Variants in GNPTAB observed in about 807,000 individuals in gnomAD.
GNPTAB encodes N-acetylglucosamine-1-phosphotransferase subunits alpha/beta.
In GNPTAB, 92 loss-of-function variants were observed where a neutral mutation model predicts 136.6. The ratio of observed to expected loss-of-function variants is 0.67; its 90% CI spans 0.57 to 0.80. The LOEUF is 0.80. Ranked by LOEUF, GNPTAB falls within the 30% of genes least tolerant of loss-of-function variation. The probability of loss-of-function intolerance (pLI) is 0.00; values close to 1 mark genes in which losing one functional copy is unlikely to be tolerated. For missense variants in GNPTAB, 1,343 were observed against 1,501.8 expected, an observed-to-expected ratio of 0.89 and a Z score of 1.75; for synonymous variants, 512 against 535.1, an observed-to-expected ratio of 0.96 and a Z score of 0.60.
chr12:101,765,122 G>A lies in GNPTAB; in HGVS notation c.1795C>T (p.His599Tyr). ...TTCATTCCACTGTGCATTATGAGGT[G>A]GATGGTTTTCCACTTGTTGGCAATA... is the stretch of plus-strand genomic sequence containing the variant. ...ASIANKWKTI[H>Y]LIMHSGMNAT... The change falls in exon 13 of 21, where the codon CAC (histidine) becomes TAC (tyrosine). Residue 599 changes from histidine to tyrosine, a missense_variant. Transcript: ENST00000299314. 3 of 1,614,110 alleles carry A rather than the reference G, an allele frequency of 1.9e-6. No homozygotes were observed. The highest frequency in any genetic ancestry group is 2.5e-6 in the Non-Finnish European group (3 of 1,180,014).
At chr12:101,747,370 A>C in intron 20 of GNPTAB, 129 bp from the exon 21 acceptor site, 1 of 667,586 alleles carries the variant, frequency 1.5e-6, no homozygotes. Flanking sequence ...AAGACAACAA[A>C]CAAATCTCCA....
At chr12:101,759,495 A>G (rs1952959857) in intron 16 of GNPTAB, among the ~76,000 whole-genome samples, 1 of 151,562 alleles carries the variant, frequency 6.6e-6, no homozygotes, top group Non-Finnish European at 1.5e-5. Flanking sequence ...GCTGTATTAT[A>G]TTCATTTCAT....
intron 1 of GNPTAB, among the ~76,000 whole-genome samples, chr12:101,824,649 TA>T (rs1180974303): frequency 1.3e-5 from 2 of 151,544 alleles, no homozygotes; most frequent in Non-Finnish European, 2.9e-5. Flanking sequence ...GTATTTTTTG[TA>T]GAGACAGGGT....
At chr12:101,767,986 G>C (rs1237275723) in intron 11 of GNPTAB, 51 bp downstream of exon 11, 1 of 1,581,058 alleles carries the variant, frequency 6.3e-7, no homozygotes, top group Admixed American at 1.7e-5. Context: ...TAATGATTAA[G>C]AAGAAAATAT....
Position 101,761,757 on chromosome 12 carries a change from C to T in GNPTAB, c.2722G>A (p.Glu908Lys), listed in dbSNP as rs1291543804. The T allele has an allele frequency of 6.2e-7, 1 of 1,610,490 alleles. No individual in the cohort carries two copies. The highest frequency in any genetic ancestry group is 8.5e-7 in the Non-Finnish European group (1 of 1,176,866). Reference protein sequence around the residue: ...KYFQDLLDEEESLKTQLAYFT... With the variant: ...KYFQDLLDEEKSLKTQLAYFT... ...TATGCCAATTGTGTCTTCAATGACT[C>T]TTCTTCCTGAAAAGAGAATTCTACA... Residue 908 changes from glutamate (E) to lysine (K), a missense_variant, in exon 14 of 21, where the codon GAG (glutamate) becomes AAG (lysine). Coordinates refer to ENST00000299314, the MANE Select transcript of GNPTAB (RefSeq NM_024312.5).
intron 13 of GNPTAB, 86 bp from the exon 14 acceptor site, chr12:101,761,849 A>T: frequency 1.0e-6 from 1 of 998,646 alleles, no homozygotes; most frequent in Non-Finnish European, 1.6e-6. Context: ...TAATGTGGTA[A>T]TAACTAGTCA....
intron 1 of GNPTAB, among the ~76,000 whole-genome samples, chr12:101,802,482 C>G (rs770946893): frequency 2.0e-5 from 3 of 152,012 alleles, no homozygotes; most frequent in Non-Finnish European, 2.9e-5. Flanking sequence ...AGGCACAACA[C>G]TGGATGGTCA....
intron 1 of GNPTAB, among the ~76,000 whole-genome samples, chr12:101,824,432 A>ATATATATTT (rs1188582277): frequency 3.9e-5 from 2 of 50,880 alleles, no homozygotes; most frequent in African/African-American, 8.5e-5. Context: ...ATATATATAT[A>ATATATATTT]TTTTCTTTTT....
intron 1 of GNPTAB, among the ~76,000 whole-genome samples, chr12:101,801,686 C>G (rs1341935450): frequency 6.6e-6 from 1 of 151,534 alleles, no homozygotes; most frequent in Non-Finnish European, 1.5e-5. Flanking sequence ...TCTGGCCCGC[C>G]AAAATCTGTC....
intron 1 of GNPTAB, among the ~76,000 whole-genome samples, chr12:101,800,220 C>T (rs553136156): frequency 2.7e-4 from 41 of 151,900 alleles, no homozygotes; most frequent in African/African-American, 9.4e-4. Flanking sequence ...TGTGGTGGCT[C>T]ACACCTGTAG....
In GNPTAB at chr12:101,761,576, T is replaced by C; in HGVS notation, c.2903A>G (p.Glu968Gly). 6.2e-7 allele frequency: 1 copy of C among 1,614,114 alleles called. No individual in the cohort carries two copies. The highest frequency in any genetic ancestry group is 1.1e-5 in the South Asian group (1 of 91,092). Reference protein sequence around the residue: ...PHMIDRIVMQELQDMFPEEFD... With the variant: ...PHMIDRIVMQGLQDMFPEEFD... ...GAGCAAGACTTACATATCTTGCAGT[T>C]CTTGCATAACAATCCGGTCAATCAT... is the stretch of plus-strand genomic sequence containing the variant. The change falls in exon 14 of 21, where the codon GAA (glutamate) becomes GGA (glycine). Residue 968 changes from glutamate (E) to glycine (G), a missense_variant. Transcript: ENST00000299314.
chr12:101,779,774 C>A (rs1350225411), intron 7 of GNPTAB: 1 of 265,254 alleles, frequency 3.8e-6, no homozygotes, highest in Admixed American at 5.0e-5. Context: ...CTGCTGCATC[C>A]CCAGCAGCTG....
At chr12:101,802,046 A>G (rs931022820) in intron 1 of GNPTAB, among the ~76,000 whole-genome samples, 1 of 151,638 alleles carries the variant, frequency 6.6e-6, no homozygotes, top group Non-Finnish European at 1.5e-5. Context: ...AACAAAAACA[A>G]ATCAATTCGC....
chr12:101,768,848 G>A (rs1330562229), intron 10 of GNPTAB, among the ~76,000 whole-genome samples: 1 of 152,070 alleles, frequency 6.6e-6, no homozygotes, highest in South Asian at 2.1e-4. Flanking sequence ...ATTCAGATGG[G>A]CTTTCTTCCC....
At position 101,764,331 on chromosome 12, in the gene GNPTAB, C is replaced by G. The variant is rs1486483032; in HGVS notation, c.2586G>C (p.Met862Ile). Residue 862 changes from methionine (M) to isoleucine (I), a missense_variant, in exon 13 of 21, where the codon ATG (methionine) becomes ATC (isoleucine). Physicochemically the swap from Met to Ile is conservative, Grantham distance 10. Transcript: ENST00000299314. ...CTATGTGATTTTCAGCATTTTCCTC[C>G]ATTCTACTGTTCTCTTTTTCTTTCC... The part of the protein sequence containing the change: ...ITGKEKENSR[M>I]EENAENHIGV... The G allele has an allele frequency of 6.2e-7, 1 of 1,613,920 alleles. No individual in the cohort carries two copies. The highest frequency in any genetic ancestry group is 8.5e-7 in the Non-Finnish European group (1 of 1,180,004).
chr12:101,801,707 TA>T lies in GNPTAB; in HGVS notation c.118-4946del, dbSNP rs144506185. 2.3e-3 allele frequency among the ~76,000 whole-genome samples: 353 copies of T among 151,874 alleles called. 2 individuals are homozygous for T. The highest frequency in any genetic ancestry group is 8.3e-3 in the African/African-American group (345 of 41,412). On this transcript the variant is annotated intron_variant, in intron 1 of 20. Transcript: ENST00000299314. ...CCGCCAAAATCTGTCCCTTTAAAGTTAAAGGAGGCTGTATGAAGGAAAAAAA... is the reference window on the plus strand; with the variant it reads ...CCGCCAAAATCTGTCCCTTTAAAGTTAAGGAGGCTGTATGAAGGAAAAAAA...
rs143107149 is a variant in GNPTAB at position 101,761,861 on chromosome 12, G to A, written c.2716-98C>T. 4.9e-4 allele frequency: 442 copies of A among 905,676 alleles called. No homozygotes were observed. In the African/African-American group the frequency reaches 6.1e-3, roughly 12 times the overall value. 56.1% of individuals were successfully genotyped at this position (905,676 alleles called of 1,614,324 possible). On this transcript the variant is annotated intron_variant, in intron 13 of 20. Coordinates refer to ENST00000299314, the MANE Select transcript of GNPTAB (RefSeq NM_024312.5). ...ATATAATGTGGTAATAACTAGTCAC[G>A]AACTCTTCATTAGGAGCAAATGAAA...
chr12:101,791,471 A>AT (rs1256115490), intron 2 of GNPTAB, among the ~76,000 whole-genome samples: 36 of 151,794 alleles, frequency 2.4e-4, no homozygotes, highest in African/African-American at 7.2e-4. Flanking sequence ...AAAAAAAAAA[A>AT]AATAATAAAC....
At chr12:101,760,374 A>G (rs1952975046) in intron 15 of GNPTAB, among the ~76,000 whole-genome samples, 1 of 152,282 alleles carries the variant, frequency 6.6e-6, no homozygotes. Context: ...TGAGATACCC[A>G]TTTACACAAG....
Sources: gnomAD v4.1 joint callset for allele counts (sites outside exome capture counted in the v4.1 genomes callset) on GRCh38, gnomAD v4.1.1 for gene constraint, MANE v1.5 for transcripts, NCBI Gene and HGNC (gene_info 2026-07-23, HGNC 2026-07-21) for gene names.